The following RP1 variants were observed in gnomAD, a reference collection of about 807,000 sequenced individuals.
The protein encoded by RP1 is oxygen-regulated protein 1.
Under a neutral mutation model 14.8 loss-of-function variants are expected in RP1, and 16 were observed. The observed-to-expected ratio is 1.08, with a 90% CI of 0.73 to 1.65. RP1 has a LOEUF of 1.65. RP1 is among the 40% of genes most tolerant of loss of function. The probability of loss-of-function intolerance (pLI) is 0.00; values close to 1 mark genes in which losing one functional copy is unlikely to be tolerated. For synonymous variants in RP1, 876 were observed against 883.6 expected (o/e 0.99, Z 0.15); for missense variants, 2,631 against 2,535.0 (o/e 1.04, Z -0.81).
chr8:54,630,399 T>C lies in RP1; in HGVS notation c.*46T>C. On this transcript the variant is annotated 3_prime_UTR_variant, in exon 4 of 4. Transcript: ENST00000220676. ...TTCTTTGTCAATTCATTTTTTCCCA[T>C]GAGATGAAGCACATGTGACGAATAC... is the stretch of plus-strand genomic sequence containing the variant. 1 of 1,608,236 alleles carries C rather than the reference T, an allele frequency of 6.2e-7. No homozygotes were observed.
At chr8:54,756,256 G>A (rs1719902224) in intron 21 of RP1, among the ~76,000 whole-genome samples, 1 of 152,050 alleles carries the variant, frequency 6.6e-6, no homozygotes, top group South Asian at 2.1e-4. Context: ...ACAAACATAA[G>A]TCTTTCTATA....
intron 1 of RP1, among the ~76,000 whole-genome samples, chr8:54,572,502 A>G (rs1456999430): frequency 6.6e-6 from 1 of 152,256 alleles, no homozygotes; most frequent in Non-Finnish European, 1.5e-5. Context: ...CACTGGGATT[A>G]GGTAACCTCT....
In RP1 at chr8:54,622,100, A is replaced by G. The variant is rs902899929; in HGVS notation, c.616-17A>G. The G allele has an allele frequency of 1.9e-6, 3 of 1,613,702 alleles. No homozygotes were observed. The highest frequency in any genetic ancestry group is 1.7e-6 in the Non-Finnish European group (2 of 1,179,838). On this transcript the variant is annotated splice_polypyrimidine_tract_variant and intron_variant, in intron 2 of 3. Coordinates refer to ENST00000220676, the MANE Select transcript of RP1 (RefSeq NM_006269.2). ...AAAATGTGCTCATCTCAGGATAATG[A>G]CTCTGGTCTCTTTTAGGTTCCCAGC...
intron 7 of RP1, among the ~76,000 whole-genome samples, chr8:54,664,454 T>A (rs1206012851): frequency 1.3e-5 from 2 of 152,124 alleles, no homozygotes; most frequent in African/African-American, 4.8e-5. Context: ...TGTTTTTAAT[T>A]TTTTGAAACT....
At position 54,731,683 on chromosome 8, in the gene RP1, G is replaced by A. The variant is rs1168758931; in HGVS notation, c.2522-2862G>A. On this transcript the variant is annotated intron_variant, in intron 17 of 22. Transcript: ENST00000636932. ...AATGATGCAAGAACATGTTAATGCAGGAATAAGGGGCCTTAGAGGCTGTCA... is the reference window on the plus strand; with the variant it reads ...AATGATGCAAGAACATGTTAATGCAAGAATAAGGGGCCTTAGAGGCTGTCA... Among the ~76,000 whole-genome samples, 3 of 152,092 alleles carry A rather than the reference G, an allele frequency of 2.0e-5. No homozygotes were observed. The East Asian group carries it at 5.8e-4, about 29-fold the overall frequency.
At chr8:54,662,023 G>T (rs902394890) in intron 6 of RP1, among the ~76,000 whole-genome samples, 4 of 151,950 alleles carry the variant, frequency 2.6e-5, no homozygotes, top group African/African-American at 9.7e-5. Context: ...GAGTGTTCAT[G>T]CTTGTTTGTA....
chr8:54,675,272 C>CA (rs1390519446), intron 8 of RP1, among the ~76,000 whole-genome samples: 1 of 152,010 alleles, frequency 6.6e-6, no homozygotes, highest in Non-Finnish European at 1.5e-5. Flanking sequence ...TTAAAAGTTA[C>CA]AAGAAGGGTA....
At chr8:54,779,541 G>C (rs893860056) in intron 23 of RP1, among the ~76,000 whole-genome samples, 3 of 152,130 alleles carry the variant, frequency 2.0e-5, no homozygotes, top group Non-Finnish European at 4.4e-5. Context: ...GAACTACAAA[G>C]TCAAATGCAT....
At chr8:54,694,847 C>A (rs1447001207) in intron 12 of RP1, among the ~76,000 whole-genome samples, 2 of 151,850 alleles carry the variant, frequency 1.3e-5, no homozygotes. Flanking sequence ...TTAGTTATTT[C>A]TTGCCTTCTG....
chr8:54,740,196 G>A (rs1056117763), intron 19 of RP1, among the ~76,000 whole-genome samples: 18 of 149,994 alleles, frequency 1.2e-4, no homozygotes, highest in African/African-American at 4.4e-4. Context: ...CTGTAAAACA[G>A]CCTCAGGCAG....
chr8:54,670,545 ATGTATATG>A (rs1563343169), intron 7 of RP1, among the ~76,000 whole-genome samples: 1,599 of 120,164 alleles, frequency 0.013, 120 homozygotes, highest in African/African-American at 0.019. Flanking sequence ...ATATATATGT[ATGTATATG>A]TATATATATA....
rs762140861 is a variant in RP1, at chr8:54,626,279, T to A, written c.2397T>A (p.Asp799Glu). Residue 799 changes from aspartate to glutamate, a missense_variant, in exon 4 of 4, where the codon GAT (aspartate) becomes GAA (glutamate). Coordinates refer to ENST00000220676, the MANE Select transcript of RP1 (RefSeq NM_006269.2). ...APKKREIGQRDKVFPHNESKY... is the reference protein window; with the variant it reads ...APKKREIGQREKVFPHNESKY... ...AAAAAAGAGAAATCGGTCAAAGAGATAAAGTGTTTCCTCACAATGAATCTA... is the reference window on the plus strand; with the variant it reads ...AAAAAAGAGAAATCGGTCAAAGAGAAAAAGTGTTTCCTCACAATGAATCTA... 6.2e-7 allele frequency: 1 copy of A among 1,613,344 alleles called. No individual in the cohort carries two copies. Among genetic ancestry groups the A allele is most frequent in the South Asian group, 1.1e-5 (1 of 91,024 alleles).
At chr8:54,609,082 A>T (rs913021390) in intron 1 of RP1, among the ~76,000 whole-genome samples, 2 of 152,216 alleles carry the variant, frequency 1.3e-5, no homozygotes, top group Non-Finnish European at 2.9e-5. Context: ...ATGTCAGGGA[A>T]AATCAAGGTG....
At chr8:54,690,933 T>C (rs929445828) in intron 12 of RP1, among the ~76,000 whole-genome samples, 11 of 152,082 alleles carry the variant, frequency 7.2e-5, no homozygotes, top group Admixed American at 3.9e-4. Flanking sequence ...AGCAGTCTGC[T>C]AGGAACCCAA....
intron 12 of RP1, chr8:54,696,837 C>G (rs1807877214): frequency 1.3e-6 from 1 of 745,594 alleles, no homozygotes; most frequent in Non-Finnish European, 2.4e-6. Flanking sequence ...AATCTGAAGT[C>G]TGTCCAGTAA....
intron 19 of RP1, among the ~76,000 whole-genome samples, chr8:54,739,944 C>T (rs1227448910): frequency 1.3e-5 from 2 of 151,716 alleles, no homozygotes; most frequent in African/African-American, 2.4e-5. Flanking sequence ...AACAAACCTA[C>T]TGTGCTGCCA....
intron 20 of RP1, among the ~76,000 whole-genome samples, chr8:54,755,111 T>A (rs758582446): frequency 5.7e-4 from 87 of 152,266 alleles, no homozygotes; most frequent in Admixed American, 1.0e-3. Context: ...GGATCTTAGA[T>A]TAAATGTAAT....
chr8:54,746,731 A>G (rs1250063852), intron 19 of RP1, among the ~76,000 whole-genome samples: 1 of 152,238 alleles, frequency 6.6e-6, no homozygotes, highest in Non-Finnish European at 1.5e-5. Flanking sequence ...AGTTGAAGTC[A>G]AAAGACTTGA....
At chr8:54,737,525 T>G (rs1432264892) in intron 18 of RP1, among the ~76,000 whole-genome samples, 1 of 152,198 alleles carries the variant, frequency 6.6e-6, no homozygotes, top group Non-Finnish European at 1.5e-5. Context: ...GAGGATAACT[T>G]CCTGCTTCCT....
Sources: gnomAD v4.1 joint callset for allele counts (sites outside exome capture counted in the v4.1 genomes callset) on GRCh38, gnomAD v4.1.1 for gene constraint, MANE v1.5 for transcripts, NCBI Gene and HGNC (gene_info 2026-07-23, HGNC 2026-07-21) for gene names.